MLYCD: variants seen among roughly 807,000 people sequenced by gnomAD.
MLYCD encodes the protein malonyl-CoA decarboxylase, mitochondrial.
In MLYCD, 27 loss-of-function variants were observed where a neutral mutation model predicts 35.8. That is an observed-to-expected ratio of 0.75 (90% CI 0.56 to 1.04). MLYCD has a LOEUF of 1.04. Ranked by LOEUF, MLYCD falls within the 50% of genes least tolerant of loss-of-function variation. The pLI is 0.00. For missense variants in MLYCD, 917 were observed against 665.1 expected, an observed-to-expected ratio of 1.38 and a Z score of -4.17; for synonymous variants, 403 against 302.4, an observed-to-expected ratio of 1.33 and a Z score of -3.45.
At chr16:83,902,513 T>TTC (rs1269330796) in intron 1 of MLYCD, among the ~76,000 whole-genome samples, 1 of 149,426 alleles carries the variant, frequency 6.7e-6, no homozygotes, top group East Asian at 1.9e-4. Flanking sequence ...GATTTTTTTT[T>TTC]TTTTTTTTTT....
At chr16:83,905,497 T>C (rs1220037296) in intron 1 of MLYCD, among the ~76,000 whole-genome samples, 1 of 152,236 alleles carries the variant, frequency 6.6e-6, no homozygotes, top group African/African-American at 2.4e-5. Context: ...TTCTGCTCTT[T>C]GGTGCTCTTG....
At chr16:83,914,907 G>C in intron 4 of MLYCD, 49 bp from the exon 5 acceptor site, 2 of 1,613,624 alleles carry the variant, frequency 1.2e-6, no homozygotes, top group Non-Finnish European at 1.7e-6. Flanking sequence ...CGTACCTGCT[G>C]AATTTGTGTT....
rs1183016949 is a variant in MLYCD at position 83,922,248 on chromosome 16, T to A, written c.*6759T>A. 6.6e-6 allele frequency: 1 copy of A among 151,990 alleles called. No individual in the cohort carries two copies. Among genetic ancestry groups the A allele is most frequent in the East Asian group, 1.9e-4 (1 of 5,168 alleles). 9.4% of individuals were successfully genotyped at this position (151,990 alleles called of 1,614,324 possible). A position where few individuals can be genotyped will look rare whatever the true frequency, so the allele number is the denominator to read the frequency against. The stretch of plus-strand genomic sequence containing the variant: ...CGTCCCGTCCCATCTCAGGAGCTAC[T>A]CTGCTCCATTCCCCCCGTATCCGAG... On this transcript the variant is annotated 3_prime_UTR_variant, in exon 5 of 5. Coordinates refer to ENST00000262430, the MANE Select transcript of MLYCD (RefSeq NM_012213.3).
chr16:83,906,928 C>A, intron 1 of MLYCD, 59 bp from the exon 2 acceptor site: 1 of 1,410,746 alleles, frequency 7.1e-7, no homozygotes, highest in Non-Finnish European at 1.0e-6. Flanking sequence ...GACCACAACA[C>A]AGAGATGGGC....
chr16:83,914,987 G>C lies in MLYCD; in HGVS notation c.980G>C (p.Ser327Thr). 6.2e-7 allele frequency: 1 copy of C among 1,614,228 alleles called. No individual in the cohort carries two copies. Among genetic ancestry groups the C allele is most frequent in the Non-Finnish European group, 8.5e-7 (1 of 1,180,048 alleles). Residue 327 changes from serine (S) to threonine (T), a missense_variant, in exon 5 of 5, where the codon AGT (serine) becomes ACT (threonine). By Grantham distance (58) the Ser-to-Thr change is moderately conservative. Transcript: ENST00000262430. The part of the protein sequence containing the change: ...REFPHLGVFS[S>T]LSPIPGFTKW... ...TTTCCTCACCTTGGGGTGTTTTCAA[G>C]TCTGTCACCTATACCTGGTTTCACC...
rs767969074 is a variant in MLYCD, at chr16:83,899,279, C to T, written c.135C>T (p.Arg45=). The change falls in exon 1 of 5, where the codon CGC becomes CGT. Residue 45 remains arginine (R), a synonymous_variant. Transcript: ENST00000262430. ...ALERAMDELL[R]RAVPPTPAYE... ...AGCGGGCCATGGACGAGCTGCTGCG[C>T]CGCGCGGTGCCGCCGACGCCGGCCT... is the stretch of plus-strand genomic sequence containing the variant. 1.7e-4 allele frequency: 256 copies of T among 1,469,856 alleles called. No individual in the cohort carries two copies. The Middle Eastern group carries it at 2.5e-3, about 15-fold the overall frequency. The allele number at this position is 1,469,856 out of a possible 1,614,324, so 91.1% of individuals were successfully genotyped here. A position where few individuals can be genotyped will look rare whatever the true frequency, so the allele number is the denominator to read the frequency against.
At chr16:83,903,582 A>C (rs1228840149) in intron 1 of MLYCD, among the ~76,000 whole-genome samples, 1 of 152,202 alleles carries the variant, frequency 6.6e-6, no homozygotes, top group Non-Finnish European at 1.5e-5. Flanking sequence ...AGAGGGAACC[A>C]GTTTCTCTTT....
chr16:83,914,185 C>CAGAA (rs1907287373), intron 4 of MLYCD: 1 of 152,368 alleles, frequency 6.6e-6, no homozygotes, highest in Non-Finnish European at 1.5e-5. Context: ...CAGAAAGTAG[C>CAGAA]AGATTGTTTG....
intron 3 of MLYCD, among the ~76,000 whole-genome samples, chr16:83,909,948 T>A (rs117897238): frequency 6.6e-6 from 1 of 152,082 alleles, no homozygotes; most frequent in East Asian, 1.9e-4. Flanking sequence ...ATAGGTATTA[T>A]TATGAGAAAA....
In MLYCD at chr16:83,899,666, C is replaced by T. The variant is rs1906710331; in HGVS notation, c.522C>T (p.Asp174=). 2 of 1,525,240 alleles carry T rather than the reference C, an allele frequency of 1.3e-6. No homozygotes were observed. The highest frequency in any genetic ancestry group is 1.7e-6 in the Non-Finnish European group (2 of 1,142,954). The allele number at this position is 1,525,240 out of a possible 1,614,324, so 94.5% of individuals were successfully genotyped here. A position where few individuals can be genotyped will look rare whatever the true frequency, so the allele number is the denominator to read the frequency against. ...CCCTCAAGCTGGTGGAGGGGCCGGA[C>T]GTCCGGGTAAGGGGCCGCCGTCGAT... The part of the protein sequence containing the change: ...AQALKLVEGP[D]VREMNGVLKG... Residue 174 remains aspartate (D), a synonymous_variant, in exon 1 of 5, where the codon GAC becomes GAT. Coordinates refer to ENST00000262430, the MANE Select transcript of MLYCD (RefSeq NM_012213.3).
Position 83,915,836 on chromosome 16 carries a change from A to AG in MLYCD, c.*352dup, listed in dbSNP as rs1907365225. The AG allele has an allele frequency of 1.6e-6, 2 of 1,223,730 alleles. No individual in the cohort carries two copies. Among genetic ancestry groups the AG allele is most frequent in the African/African-American group, 3.1e-5 (2 of 64,566 alleles). 75.8% of individuals were successfully genotyped at this position (1,223,730 alleles called of 1,614,324 possible). A position where few individuals can be genotyped will look rare whatever the true frequency, so the allele number is the denominator to read the frequency against. On this transcript the variant is annotated 3_prime_UTR_variant, in exon 5 of 5. Transcript: ENST00000262430. ...GTGCAGCCTCTGCCATTGCCATCCC[A>AG]GGGGGATCTGGCATCCTCCTAAGGA...
In MLYCD at chr16:83,913,658, A is replaced by C. The variant is rs1044853551; in HGVS notation, c.948+1291A>C. 2.0e-5 allele frequency: 3 copies of C among 152,186 alleles called. No homozygotes were observed. The East Asian group carries it at 5.8e-4, about 29-fold the overall frequency. 9.4% of individuals were successfully genotyped at this position (152,186 alleles called of 1,614,324 possible). ...CGTGGTGAAACCCCGTCTCTACTAA[A>C]AATATAAAAATTAGGCATGGTGGTG... On this transcript the variant is annotated intron_variant, in intron 4 of 4. Transcript: ENST00000262430.
intron 1 of MLYCD, 53 bp downstream of exon 1, chr16:83,899,725 G>A: frequency 6.8e-7 from 1 of 1,473,024 alleles, no homozygotes; most frequent in Non-Finnish European, 9.0e-7. Context: ...CCCTCCTCGA[G>A]TAGTCCTCAC....
chr16:83,903,609 C>G (rs923377444), intron 1 of MLYCD, among the ~76,000 whole-genome samples: 3 of 152,186 alleles, frequency 2.0e-5, no homozygotes, highest in African/African-American at 7.2e-5. Context: ...GAAAAGTGGG[C>G]TGGTCTAAAC....
chr16:83,909,861 G>A (rs947460654), intron 3 of MLYCD, among the ~76,000 whole-genome samples: 4 of 150,940 alleles, frequency 2.7e-5, no homozygotes, highest in Admixed American at 6.6e-5. Flanking sequence ...TCGAACTCCC[G>A]ACCTCAGGTG....
At chr16:83,907,956 CAGTG>C (rs1342655301) in intron 2 of MLYCD, among the ~76,000 whole-genome samples, 166 bp from the exon 3 acceptor site, 1 of 152,226 alleles carries the variant, frequency 6.6e-6, no homozygotes, top group Non-Finnish European at 1.5e-5. Context: ...TAGTTCCTCT[CAGTG>C]GGTGCTGTTT....
At position 83,915,320 on chromosome 16, in the gene MLYCD, A is replaced by C; in HGVS notation, c.1313A>C (p.Asp438Ala). 1 of 1,613,890 alleles carries C rather than the reference A, an allele frequency of 6.2e-7. No individual in the cohort carries two copies. Among genetic ancestry groups the C allele is most frequent in the Non-Finnish European group, 8.5e-7 (1 of 1,179,998 alleles). ...CTGTGGCGCATCAACTGGATGGCGGATGTGAGCCTCAGAGGCATCACCGGC... is the reference window on the plus strand; with the variant it reads ...CTGTGGCGCATCAACTGGATGGCGGCTGTGAGCCTCAGAGGCATCACCGGC... Reference protein sequence around the residue: ...AVLWRINWMADVSLRGITGSC... With the variant: ...AVLWRINWMAAVSLRGITGSC... The change falls in exon 5 of 5, where the codon GAT (aspartate) becomes GCT (alanine). Residue 438 changes from aspartate to alanine, a missense_variant. By Grantham distance (126) the Asp-to-Ala change is moderately radical. Transcript: ENST00000262430.
intron 1 of MLYCD, among the ~76,000 whole-genome samples, chr16:83,905,430 A>C (rs113877784): frequency 7.2e-5 from 11 of 152,296 alleles, no homozygotes; most frequent in African/African-American, 1.7e-4. Flanking sequence ...AGTGATTTGA[A>C]TATGACAGAA....
Position 83,917,524 on chromosome 16 carries a change from C to G in MLYCD, c.*2035C>G, listed in dbSNP as rs1357059920. The G allele has an allele frequency of 6.5e-6, 1 of 154,124 alleles. No homozygotes were observed. Among genetic ancestry groups the G allele is most frequent in the Non-Finnish European group, 1.5e-5 (1 of 68,170 alleles). 9.5% of individuals were successfully genotyped at this position (154,124 alleles called of 1,614,324 possible). A position where few individuals can be genotyped will look rare whatever the true frequency, so the allele number is the denominator to read the frequency against. On this transcript the variant is annotated 3_prime_UTR_variant, in exon 5 of 5. Transcript: ENST00000262430. ...CTGTGACCCTCGCCAGGCCCCTTCT[C>G]TGTCTTCTGCGTACGGCGTGTTGCT...
Sources: allele counts gnomAD v4.1 joint callset (sites outside exome capture counted in the v4.1 genomes callset), GRCh38; gene constraint gnomAD v4.1.1; transcripts MANE v1.5; gene names NCBI Gene and HGNC (gene_info 2026-07-23, HGNC 2026-07-21).